RBMS1: variants seen among roughly 807,000 people sequenced by gnomAD.
RBMS1 encodes the protein RNA-binding motif, single-stranded-interacting protein 1.
RBMS1 carries 17 observed loss-of-function variants against 62.3 expected under a neutral mutation model. That is an observed-to-expected ratio of 0.27 (90% confidence interval 0.19 to 0.41). RBMS1 has a LOEUF of 0.41. RBMS1 is among the 10% of genes least tolerant of loss of function. The pLI, the probability that RBMS1 is intolerant of heterozygous loss-of-function variation, is 1.00. For synonymous variants in RBMS1, 172 were observed against 170.0 expected (o/e 1.01, Z -0.09); for missense variants, 334 against 504.5 (o/e 0.66, Z 3.24).
At chr2:160,386,080 CAT>C (rs1252563583) in intron 1 of RBMS1, among the ~76,000 whole-genome samples, 1 of 152,144 alleles carries the variant, frequency 6.6e-6, no homozygotes, top group Non-Finnish European at 1.5e-5. Flanking sequence ...ATCAAAATAT[CAT>C]AATTTTATTA....
chr2:160,310,715 A>T (rs1689805527), intron 4 of RBMS1, among the ~76,000 whole-genome samples: 1 of 64,608 alleles, frequency 1.5e-5, no homozygotes, highest in Admixed American at 1.3e-4. Context: ...GTGTGCCCTA[A>T]AAGTCCTGCT....
At chr2:160,343,840 A>G (rs1337505144) in intron 2 of RBMS1, among the ~76,000 whole-genome samples, 2 of 152,192 alleles carry the variant, frequency 1.3e-5, no homozygotes, top group East Asian at 1.9e-4. Flanking sequence ...AGCAAATTGC[A>G]TAATATATTT....
intron 1 of RBMS1, among the ~76,000 whole-genome samples, chr2:160,447,705 G>A (rs559311943): frequency 3.9e-5 from 6 of 152,334 alleles, no homozygotes; most frequent in South Asian, 2.1e-4. Flanking sequence ...CAGCATGAAT[G>A]AGTCTTTGTC....
At chr2:160,409,997 G>A (rs2105251247) in intron 1 of RBMS1, among the ~76,000 whole-genome samples, 1 of 152,200 alleles carries the variant, frequency 6.6e-6, no homozygotes, top group East Asian at 1.9e-4. Context: ...GGTAGGCTGA[G>A]GCGGGCGGAT....
intron 9 of RBMS1, chr2:160,282,328 C>T (rs1214372502): frequency 7.3e-7 from 1 of 1,367,228 alleles, no homozygotes. Flanking sequence ...AAGTTAAGTG[C>T]TTCTGCCTTG....
intron 2 of RBMS1, among the ~76,000 whole-genome samples, chr2:160,328,740 C>T (rs1181277624): frequency 6.6e-6 from 1 of 152,072 alleles, no homozygotes; most frequent in African/African-American, 2.4e-5. Flanking sequence ...GAAAAGCTTT[C>T]GTTTCTAAAC....
chr2:160,410,999 C>T (rs1475940648), intron 1 of RBMS1, among the ~76,000 whole-genome samples: 1 of 152,176 alleles, frequency 6.6e-6, no homozygotes, highest in Non-Finnish European at 1.5e-5. Context: ...ATCTCGGCCT[C>T]CCAAAGTTCT....
intron 12 of RBMS1, among the ~76,000 whole-genome samples, chr2:160,276,371 A>ACCAC (rs1559302576): frequency 5.4e-5 from 8 of 147,950 alleles, no homozygotes; most frequent in African/African-American, 2.1e-4. Context: ...ACCACCACCA[A>ACCAC]CACCTACTAC....
At chr2:160,432,292 C>G (rs530006136) in intron 1 of RBMS1, 1 of 152,238 alleles carries the variant, frequency 6.6e-6, no homozygotes, top group African/African-American at 2.4e-5. Flanking sequence ...GGGATTGACT[C>G]TAAATGGTGA....
At chr2:160,462,521 A>G (rs905478611) in intron 1 of RBMS1, among the ~76,000 whole-genome samples, 10 of 152,256 alleles carry the variant, frequency 6.6e-5, no homozygotes, top group Non-Finnish European at 1.2e-4. Context: ...CTGGGTAAGT[A>G]GAAATAATAC....
intron 1 of RBMS1, among the ~76,000 whole-genome samples, chr2:160,409,378 T>C (rs1249479543): frequency 6.6e-6 from 1 of 152,084 alleles, no homozygotes; most frequent in Non-Finnish European, 1.5e-5. Context: ...TAAAAATCTG[T>C]CCTTTAAAGT....
intron 6 of RBMS1, among the ~76,000 whole-genome samples, chr2:160,287,868 T>TA (rs545269245): frequency 2.6e-5 from 4 of 151,640 alleles, no homozygotes; most frequent in Admixed American, 6.6e-5. Flanking sequence ...GGTATTGCTT[T>TA]ACTATATATC....
chr2:160,456,311 C>G (rs1052327522), intron 1 of RBMS1, among the ~76,000 whole-genome samples: 1 of 152,068 alleles, frequency 6.6e-6, no homozygotes, highest in African/African-American at 2.4e-5. Context: ...CTTTTTCTTT[C>G]CACTGGAAAG....
intron 1 of RBMS1, among the ~76,000 whole-genome samples, chr2:160,433,536 A>T (rs188976978): frequency 8.5e-5 from 13 of 152,368 alleles, no homozygotes; most frequent in Admixed American, 6.5e-4. Flanking sequence ...TCACAATTAA[A>T]ACAAGTGAAA....
chr2:160,277,484 A>C (rs1687898237), intron 11 of RBMS1, 101 bp from the exon 12 acceptor site: 1 of 867,792 alleles, frequency 1.2e-6, no homozygotes, highest in Non-Finnish European at 1.9e-6. Context: ...TGGAAATCTC[A>C]AAGAAGAAAT....
chr2:160,364,501 C>G (rs1161687149), intron 2 of RBMS1, among the ~76,000 whole-genome samples: 4 of 136,474 alleles, frequency 2.9e-5, no homozygotes, highest in Non-Finnish European at 6.5e-5. Context: ...ACCCCACATG[C>G]CTCCTCCTCT....
chr2:160,281,600 G>GT (rs1256963696), intron 9 of RBMS1: 2 of 393,912 alleles, frequency 5.1e-6, no homozygotes, highest in Non-Finnish European at 9.1e-6. Context: ...TAATTGTTGA[G>GT]TATCAGGCAA....
chr2:160,426,087 A>G (rs934982727), intron 1 of RBMS1, among the ~76,000 whole-genome samples: 1 of 152,042 alleles, frequency 6.6e-6, no homozygotes, highest in East Asian at 1.9e-4. Flanking sequence ...ATGTCTTTCA[A>G]AACACTTATA....
chr2:160,334,175 A>G (rs1270139384), intron 2 of RBMS1, among the ~76,000 whole-genome samples: 1 of 152,200 alleles, frequency 6.6e-6, no homozygotes, highest in Non-Finnish European at 1.5e-5. Context: ...AACATTATGT[A>G]AGGAGATTTT....
Sources: allele counts gnomAD v4.1 joint callset (sites outside exome capture counted in the v4.1 genomes callset), GRCh38; gene constraint gnomAD v4.1.1; transcripts MANE v1.5; gene names NCBI Gene and HGNC (gene_info 2026-07-23, HGNC 2026-07-21).